The following ATP2B2 variants were observed in gnomAD, a reference collection of about 807,000 sequenced individuals.
The protein encoded by ATP2B2 is ATPase plasma membrane Ca2+ transporting 2, also known as plasma membrane calcium-transporting ATPase 2.
ATP2B2 carries 15 observed loss-of-function variants against 120.0 expected under a neutral mutation model. That is an observed-to-expected ratio of 0.12 (90% CI 0.08 to 0.19). The LOEUF is 0.19. Ranked by LOEUF, ATP2B2 falls within the 10% of genes least tolerant of loss-of-function variation. The pLI, the probability that ATP2B2 is intolerant of heterozygous loss-of-function variation, is 1.00. For missense variants in ATP2B2, 1,045 were observed against 1,719.8 expected (o/e 0.61, Z 6.94); for synonymous variants, 694 against 700.3 (o/e 0.99, Z 0.14).
intron 1 of ATP2B2, among the ~76,000 whole-genome samples, chr3:10,697,279 C>G (rs2071754978): frequency 1.3e-5 from 2 of 152,154 alleles, no homozygotes; most frequent in South Asian, 4.2e-4. Context: ...ATAGTCATCA[C>G]AGCCCCTTTG....
rs181046433 is a variant in ATP2B2 at position 10,410,454 on chromosome 3, C to T, written c.397+164G>A. ...GGGAAAACGGGGCTGAGGCCTGGCTCGGCCACCCTTTGGCTGTGTTGGCTA... is the reference window on the plus strand; with the variant it reads ...GGGAAAACGGGGCTGAGGCCTGGCTTGGCCACCCTTTGGCTGTGTTGGCTA... On this transcript the variant is annotated intron_variant, in intron 3 of 22. Coordinates refer to ENST00000360273, the MANE Select transcript of ATP2B2 (RefSeq NM_001001331.4). Among the ~76,000 whole-genome samples, 150 of 152,376 alleles carry T rather than the reference C, an allele frequency of 9.8e-4. No homozygotes were observed. In the Middle Eastern group the frequency reaches 0.02, roughly 21 times the overall value.
intron 2 of ATP2B2, among the ~76,000 whole-genome samples, chr3:10,445,481 G>C (rs867731664): frequency 5.1e-4 from 77 of 152,324 alleles, no homozygotes; most frequent in African/African-American, 1.7e-3. Context: ...GCTTAGATGG[G>C]GGTAGAGGCT....
At chr3:10,426,152 A>C (rs1323563285) in intron 2 of ATP2B2, among the ~76,000 whole-genome samples, 2 of 151,804 alleles carry the variant, frequency 1.3e-5, no homozygotes, top group Non-Finnish European at 2.9e-5. Flanking sequence ...TACCTAATTC[A>C]GCACTTCTTT....
At chr3:10,463,409 A>G (rs1311592369) in intron 1 of ATP2B2, among the ~76,000 whole-genome samples, 2 of 152,202 alleles carry the variant, frequency 1.3e-5, no homozygotes, top group Non-Finnish European at 2.9e-5. Flanking sequence ...GGCCAACCAG[A>G]TGGTAGGAAT....
chr3:10,475,791 C>T (rs973126256), intron 1 of ATP2B2, among the ~76,000 whole-genome samples: 1 of 152,218 alleles, frequency 6.6e-6, no homozygotes, highest in Non-Finnish European at 1.5e-5. Flanking sequence ...CCCCCTTCCC[C>T]GTCTGCAATG....
intron 1 of ATP2B2, among the ~76,000 whole-genome samples, chr3:10,501,884 G>A (rs1158273004): frequency 2.6e-5 from 4 of 152,298 alleles, no homozygotes; most frequent in South Asian, 4.1e-4. Context: ...CCCAGGGTGC[G>A]GAGTGAAATG....
At chr3:10,598,152 C>T (rs1398488036) in intron 2 of ATP2B2, among the ~76,000 whole-genome samples, 1 of 152,092 alleles carries the variant, frequency 6.6e-6, no homozygotes, top group Non-Finnish European at 1.5e-5. Flanking sequence ...AGAGGTATTC[C>T]AGAAAGGCCT....
At chr3:10,368,737 A>G (rs2061140700) in intron 12 of ATP2B2, among the ~76,000 whole-genome samples, 1 of 151,348 alleles carries the variant, frequency 6.6e-6, no homozygotes, top group African/African-American at 2.4e-5. Context: ...CCACCCACTC[A>G]TCCATACACC....
chr3:10,370,703 C>T (rs2061210518), intron 12 of ATP2B2, among the ~76,000 whole-genome samples: 1 of 152,162 alleles, frequency 6.6e-6, no homozygotes. Context: ...TCCTACAAAC[C>T]CAGCCTGATC....
chr3:10,364,762 C>T (rs1302938631), intron 12 of ATP2B2, among the ~76,000 whole-genome samples: 3 of 152,050 alleles, frequency 2.0e-5, no homozygotes, highest in African/African-American at 4.8e-5. Flanking sequence ...AGCTCCCAAA[C>T]GAACCCCATA....
At chr3:10,471,937 C>T (rs1406994103) in intron 1 of ATP2B2, among the ~76,000 whole-genome samples, 7 of 151,772 alleles carry the variant, frequency 4.6e-5, no homozygotes, top group Admixed American at 2.0e-4. Flanking sequence ...AAAAATTAGC[C>T]GGGTGTGGTG....
At chr3:10,390,488 G>A (rs546005070) in intron 5 of ATP2B2, among the ~76,000 whole-genome samples, 44 of 137,578 alleles carry the variant, frequency 3.2e-4, no homozygotes, top group East Asian at 2.3e-3. Flanking sequence ...GTGTGTGTGC[G>A]TGCATGCTTT....
intron 2 of ATP2B2, among the ~76,000 whole-genome samples, chr3:10,534,879 C>A (rs2067278673): frequency 6.7e-6 from 1 of 150,276 alleles, no homozygotes; most frequent in African/African-American, 2.5e-5. Context: ...CTCTCTCAAT[C>A]CATTTATTCA....
At chr3:10,336,017 C>T (rs1559524211) in intron 22 of ATP2B2, 1 of 1,320,088 alleles carries the variant, frequency 7.6e-7, no homozygotes, top group African/African-American at 1.5e-5. Context: ...CTTCATCCCC[C>T]TGGGCCTGAT....
intron 1 of ATP2B2, among the ~76,000 whole-genome samples, chr3:10,463,156 C>T (rs1415985982): frequency 2.6e-5 from 4 of 152,108 alleles, no homozygotes; most frequent in Admixed American, 2.0e-4. Context: ...TCTGCCAGCC[C>T]GTCGCGTGTG....
In ATP2B2 at chr3:10,343,404, C is replaced by A. The variant is rs1348937810; in HGVS notation, c.2704-439G>T. Among the ~76,000 whole-genome samples, 1 of 151,676 alleles carries A rather than the reference C, an allele frequency of 6.6e-6. No individual in the cohort carries two copies. The highest frequency in any genetic ancestry group is 2.4e-5 in the African/African-American group (1 of 41,250). On this transcript the variant is annotated intron_variant, in intron 18 of 22. Transcript: ENST00000360273. The surrounding 1 kb of genome is among the most constrained non-coding windows in gnomAD (Gnocchi z 4.2). ...CTACAAACAGTGCCCGTCCCCCACC[C>A]CCCCAATGTCTCCTCCCCTCTTATC...
chr3:10,431,905 C>T (rs893001277), intron 2 of ATP2B2, among the ~76,000 whole-genome samples: 2 of 152,156 alleles, frequency 1.3e-5, no homozygotes, highest in Admixed American at 1.3e-4. Flanking sequence ...GGAGGCAATT[C>T]TTTTAAAGCT....
chr3:10,409,178 C>T (rs1345143735), intron 3 of ATP2B2, among the ~76,000 whole-genome samples: 3 of 152,132 alleles, frequency 2.0e-5, no homozygotes, highest in African/African-American at 7.2e-5. Flanking sequence ...CATGTACTAC[C>T]TTCTTTCATA....
rs759036218 is a variant in ATP2B2, at chr3:10,325,626, G to A, written c.*3188C>T. 2.6e-5 allele frequency: 4 copies of A among 152,240 alleles called. No individual in the cohort carries two copies. Among genetic ancestry groups the A allele is most frequent in the Non-Finnish European group, 4.4e-5 (3 of 68,054 alleles). The allele number at this position is 152,240 out of a possible 1,614,324, so 9.4% of individuals were successfully genotyped here. Reference sequence around the variant, plus strand: ...CATCTCTATGCTATGGTTGGGACAAGGGGACAAGGGGCCATGGTGAGGGGT... The same window carrying A: ...CATCTCTATGCTATGGTTGGGACAAAGGGACAAGGGGCCATGGTGAGGGGT... On this transcript the variant is annotated 3_prime_UTR_variant, in exon 23 of 23. Coordinates refer to ENST00000360273, the MANE Select transcript of ATP2B2 (RefSeq NM_001001331.4).
Sources: gnomAD v4.1 joint callset for allele counts (sites outside exome capture counted in the v4.1 genomes callset) on GRCh38, gnomAD v4.1.1 for gene constraint, Gnocchi (gnomAD v3.1) non-coding constraint, MANE v1.5 for transcripts, NCBI Gene and HGNC (gene_info 2026-07-23, HGNC 2026-07-21) for gene names.